GRIN2A: variants seen among roughly 807,000 people sequenced by gnomAD.
GRIN2A encodes glutamate ionotropic receptor NMDA type subunit 2A.
In GRIN2A, 22 loss-of-function variants were observed where a neutral mutation model predicts 113.4. That is an observed-to-expected ratio of 0.19 (90% CI 0.14 to 0.28). The LOEUF (loss-of-function observed/expected upper bound fraction) is 0.28. Ranked by LOEUF, GRIN2A falls within the 10% of genes least tolerant of loss-of-function variation. The probability of loss-of-function intolerance (pLI) is 1.00; values close to 1 mark genes in which losing one functional copy is unlikely to be tolerated. For missense variants in GRIN2A, 1,502 were observed against 1,887.0 expected (o/e 0.80, Z 3.78); for synonymous variants, 827 against 738.4 (o/e 1.12, Z -1.94).
chr16:10,016,787 G>A (rs1199496989), intron 2 of GRIN2A, among the ~76,000 whole-genome samples: 1 of 152,138 alleles, frequency 6.6e-6, no homozygotes, highest in Non-Finnish European at 1.5e-5. Flanking sequence ...ACTCGCACAA[G>A]GGCACCATCC....
intron 4 of GRIN2A, among the ~76,000 whole-genome samples, chr16:9,890,340 A>T (rs2043669497): frequency 6.6e-6 from 1 of 152,246 alleles, no homozygotes; most frequent in African/African-American, 2.4e-5. Context: ...CATTGTATGT[A>T]TGAGATCATC....
chr16:9,901,277 G>T (rs1244266133), intron 3 of GRIN2A, among the ~76,000 whole-genome samples: 2 of 152,116 alleles, frequency 1.3e-5, no homozygotes, highest in African/African-American at 4.8e-5. Flanking sequence ...GCCCTACTTT[G>T]TCTCTCTGTC....
chr16:9,799,423 G>T (rs1331308458), intron 10 of GRIN2A, among the ~76,000 whole-genome samples: 1 of 152,190 alleles, frequency 6.6e-6, no homozygotes, highest in Non-Finnish European at 1.5e-5. Context: ...TGGAAGCGTG[G>T]TCCTGCAGAT....
chr16:9,769,076 C>A lies in GRIN2A; in HGVS notation c.2370G>T (p.Glu790Asp). 1 of 1,613,480 alleles carries A rather than the reference C, an allele frequency of 6.2e-7. No individual in the cohort carries two copies. Among genetic ancestry groups the A allele is most frequent in the South Asian group, 1.1e-5 (1 of 91,076 alleles). ...TCCCAGTGAGCCACAGGGTCTCCAGCTCCTCCATCTCACCTGGACAGATCA... is the reference window on the plus strand; with the variant it reads ...TCCCAGTGAGCCACAGGGTCTCCAGATCCTCCATCTCACCTGGACAGATCA... ...LQFVGDGEMEELETLWLTGIC... is the reference protein window; with the variant it reads ...LQFVGDGEMEDLETLWLTGIC... The change falls in exon 12 of 13, where the codon GAG becomes GAT. Residue 790 changes from glutamate (E) to aspartate (D), a missense_variant. This residue lies in a region of GRIN2A where 101 missense variants were observed against 240.4 expected (regional missense o/e 0.42). Coordinates refer to ENST00000330684, the MANE Select transcript of GRIN2A (RefSeq NM_001134407.3).
chr16:9,944,375 T>A (rs12598394), intron 2 of GRIN2A, among the ~76,000 whole-genome samples: 15,207 of 152,152 alleles, frequency 0.1, 1,253 homozygotes, highest in East Asian at 0.41. Flanking sequence ...GCACATAAGC[T>A]GAATTGGTCA....
At chr16:9,970,740 T>A in intron 2 of GRIN2A, 1 of 967,392 alleles carries the variant, frequency 1.0e-6, no homozygotes, top group Non-Finnish European at 1.2e-6. Flanking sequence ...CAGAGTCCCC[T>A]ACCTTAAGAA....
chr16:9,925,393 G>C (rs988330843), intron 3 of GRIN2A, among the ~76,000 whole-genome samples: 3 of 152,166 alleles, frequency 2.0e-5, no homozygotes, highest in Non-Finnish European at 4.4e-5. Context: ...TTTGGCTTTA[G>C]GTAGTGTCCT....
At chr16:10,129,075 G>A (rs913176503) in intron 2 of GRIN2A, among the ~76,000 whole-genome samples, 3 of 151,644 alleles carry the variant, frequency 2.0e-5, no homozygotes, top group Admixed American at 1.3e-4. Flanking sequence ...CACCTACTAC[G>A]TGCGTGACTT....
At chr16:9,839,514 G>A (rs1484710239) in intron 7 of GRIN2A, among the ~76,000 whole-genome samples, 1 of 152,066 alleles carries the variant, frequency 6.6e-6, no homozygotes, top group Non-Finnish European at 1.5e-5. Flanking sequence ...TTTTAAATCA[G>A]CATATACTTT....
intron 7 of GRIN2A, among the ~76,000 whole-genome samples, chr16:9,840,305 T>TATA (rs970533594): frequency 2.1e-4 from 32 of 151,872 alleles, no homozygotes; most frequent in Non-Finnish European, 3.5e-4. Context: ...TTAAACCCCT[T>TATA]ATAATAATAA....
chr16:10,118,783 A>T (rs1049250525), intron 2 of GRIN2A, among the ~76,000 whole-genome samples: 20 of 152,240 alleles, frequency 1.3e-4, no homozygotes, highest in African/African-American at 4.6e-4. Context: ...TTTCATAACC[A>T]GAGACTGTCA....
intron 2 of GRIN2A, among the ~76,000 whole-genome samples, chr16:10,096,884 G>C (rs867496888): frequency 3.3e-5 from 5 of 152,130 alleles, no homozygotes; most frequent in South Asian, 2.1e-4. Flanking sequence ...GCCTGCCCAG[G>C]AGACTAAGAA....
chr16:10,001,088 G>A (rs1464165783), intron 2 of GRIN2A, among the ~76,000 whole-genome samples: 1 of 152,096 alleles, frequency 6.6e-6, no homozygotes, highest in Non-Finnish European at 1.5e-5. Flanking sequence ...CTTACCCGTG[G>A]GCCCCAATTG....
chr16:9,798,600 CTCA>C, intron 10 of GRIN2A, 136 bp from the exon 11 acceptor site: 1 of 643,266 alleles, frequency 1.6e-6, no homozygotes, highest in Non-Finnish European at 2.7e-6. Flanking sequence ...TCTCCATCCC[CTCA>C]TCATAAAAGG....
chr16:9,768,420 C>T (rs941922639), intron 12 of GRIN2A, among the ~76,000 whole-genome samples: 3 of 152,176 alleles, frequency 2.0e-5, no homozygotes, highest in East Asian at 3.8e-4. Context: ...AATCAGATGA[C>T]ATTTTCTCTT....
chr16:10,019,000 A>G (rs1422968835), intron 2 of GRIN2A, among the ~76,000 whole-genome samples: 1 of 151,850 alleles, frequency 6.6e-6, no homozygotes, highest in Admixed American at 6.6e-5. Flanking sequence ...TTTTTTTTGG[A>G]AAACGTGTTT....
chr16:10,058,462 C>T (rs1001708865), intron 2 of GRIN2A, among the ~76,000 whole-genome samples: 1 of 151,900 alleles, frequency 6.6e-6, no homozygotes, highest in Admixed American at 6.6e-5. Context: ...ACAATGATTT[C>T]AAAATAATTT....
At chr16:10,122,115 A>G (rs1004542744) in intron 2 of GRIN2A, among the ~76,000 whole-genome samples, 3 of 152,126 alleles carry the variant, frequency 2.0e-5, no homozygotes, top group Non-Finnish European at 4.4e-5. Flanking sequence ...CTGGTAACCT[A>G]TTGACAAATA....
At chr16:9,839,114 C>G (rs2042629669) in intron 7 of GRIN2A, among the ~76,000 whole-genome samples, 1 of 152,170 alleles carries the variant, frequency 6.6e-6, no homozygotes, top group Non-Finnish European at 1.5e-5. Context: ...TCACGTTTGT[C>G]TTAACCTTCC....
Sources: allele counts gnomAD v4.1 joint callset (sites outside exome capture counted in the v4.1 genomes callset), GRCh38; gene constraint gnomAD v4.1.1; regional missense constraint gnomAD v4.1.1; transcripts MANE v1.5; gene names NCBI Gene and HGNC (gene_info 2026-07-23, HGNC 2026-07-21).